The following INPP5D variants were observed in gnomAD, a reference collection of about 807,000 sequenced individuals.
INPP5D encodes the protein phosphatidylinositol 3,4,5-trisphosphate 5-phosphatase 1.
Under a neutral mutation model 122.9 loss-of-function variants are expected in INPP5D, and 33 were observed. The observed-to-expected ratio is 0.27, with a 90% CI of 0.20 to 0.36. INPP5D has a LOEUF of 0.36. Among genes scored for constraint, INPP5D ranks in the 10% least tolerant of loss-of-function variants. The probability of loss-of-function intolerance (pLI) is 1.00; values close to 1 mark genes in which losing one functional copy is unlikely to be tolerated. For missense variants in INPP5D, 1,053 were observed against 1,412.7 expected (o/e 0.75, Z 4.08); for synonymous variants, 584 against 576.2 (o/e 1.01, Z -0.19).
At chr2:233,127,911 C>T (rs1460943724) in intron 4 of INPP5D, among the ~76,000 whole-genome samples, 1 of 152,140 alleles carries the variant, frequency 6.6e-6, no homozygotes, top group Non-Finnish European at 1.5e-5. Flanking sequence ...CCCAGCCTAC[C>T]ACAAACATTT....
chr2:233,085,458 T>C (rs1209783977), intron 2 of INPP5D, among the ~76,000 whole-genome samples: 2 of 152,230 alleles, frequency 1.3e-5, no homozygotes, highest in Non-Finnish European at 2.9e-5. Flanking sequence ...TTGTGCTGGT[T>C]CCTATAGAGG....
chr2:233,099,077 A>G (rs1347443866), intron 2 of INPP5D, among the ~76,000 whole-genome samples: 1 of 151,708 alleles, frequency 6.6e-6, no homozygotes, highest in Non-Finnish European at 1.5e-5. Context: ...CAGCCTCCGG[A>G]GTAGTTGGGA....
chr2:233,152,058 A>C (rs1161164748), intron 9 of INPP5D, among the ~76,000 whole-genome samples: 1 of 152,204 alleles, frequency 6.6e-6, no homozygotes, highest in East Asian at 1.9e-4. Context: ...AACCGGATGC[A>C]TGTGTTGGTT....
intron 1 of INPP5D, among the ~76,000 whole-genome samples, chr2:233,073,803 A>G (rs1234184608): frequency 4.6e-5 from 7 of 151,374 alleles, no homozygotes; most frequent in Non-Finnish European, 8.8e-5. Context: ...TTCCTCGTTC[A>G]CTTTCTCCAA....
intron 2 of INPP5D, among the ~76,000 whole-genome samples, chr2:233,094,794 G>A (rs1023259382): frequency 1.6e-4 from 25 of 152,216 alleles, no homozygotes; most frequent in Admixed American, 1.4e-3. Flanking sequence ...GTGGGTTGGG[G>A]GAATGGCAGT....
rs1318824844 is a variant in INPP5D at position 233,183,430 on chromosome 2, C to T, written c.2161+931C>T. On this transcript the variant is annotated intron_variant, in intron 19 of 26. Transcript: ENST00000445964. The surrounding 1 kb of genome is among the most constrained non-coding windows in gnomAD (Gnocchi z 4.6). ...ATGGCCCCAGAAATGTGACCTCCCT[C>T]CTCCACCCAAGCCTTGACCCACCAT... Among the ~76,000 whole-genome samples, 1 of 152,186 alleles carries T rather than the reference C, an allele frequency of 6.6e-6. No individual in the cohort carries two copies. Among genetic ancestry groups the T allele is most frequent in the African/African-American group, 2.4e-5 (1 of 41,442 alleles).
chr2:233,161,760 A>G lies in INPP5D; in HGVS notation c.1174A>G (p.Lys392Glu). ...CTTCTGCCAGCTCCTGCAGCAGATGAAGAACAAGCACTCAGAGCAGCCGGA... is the reference window on the plus strand; with the variant it reads ...CTTCTGCCAGCTCCTGCAGCAGATGGAGAACAAGCACTCAGAGCAGCCGGA... ...EGFCQLLQQM[K>E]NKHSEQPEPD... The change falls in exon 11 of 27, where the codon AAG becomes GAG. Residue 392 changes from lysine (K) to glutamate (E), a missense_variant. Around this residue, in one of 6 missense-constraint regions of INPP5D, gnomAD observed 105 missense variants for 199.8 expected, o/e 0.53. Coordinates refer to ENST00000445964, the MANE Select transcript of INPP5D (RefSeq NM_001017915.3). The G allele has an allele frequency of 6.2e-7, 1 of 1,613,760 alleles. No individual in the cohort carries two copies. Among genetic ancestry groups the G allele is most frequent in the Non-Finnish European group, 8.5e-7 (1 of 1,179,798 alleles).
intron 3 of INPP5D, among the ~76,000 whole-genome samples, chr2:233,124,947 AG>A (rs1693111275): frequency 6.6e-6 from 1 of 152,238 alleles, no homozygotes; most frequent in South Asian, 2.1e-4. Context: ...GCAGACTCCT[AG>A]TTGTCTTCAG....
Position 233,122,214 on chromosome 2 carries a change from G to T in INPP5D, c.306G>T (p.Pro102=), listed in dbSNP as rs541057965. 2 of 1,613,932 alleles carry T rather than the reference G, an allele frequency of 1.2e-6. No individual in the cohort carries two copies. Among genetic ancestry groups the T allele is most frequent in the Non-Finnish European group, 1.7e-6 (2 of 1,179,872 alleles). ...GLVTHLQYPV[P]LEEEDTGDDP... ...TGACCCATCTGCAATACCCTGTGCC[G>T]CTGGAGGAAGAGGACACAGGCGACG... Residue 102 remains proline (P), a synonymous_variant, in exon 3 of 27, where the codon CCG becomes CCT. Transcript: ENST00000445964.
chr2:233,064,553 G>A (rs1302945963), intron 1 of INPP5D, among the ~76,000 whole-genome samples: 3 of 152,240 alleles, frequency 2.0e-5, no homozygotes, highest in Admixed American at 6.5e-5. Context: ...TGATGTCCAC[G>A]AAGACCTTCA....
chr2:233,117,100 CATGT>C, intron 2 of INPP5D, among the ~76,000 whole-genome samples: 1 of 152,312 alleles, frequency 6.6e-6, no homozygotes, highest in Middle Eastern at 3.4e-3. Flanking sequence ...TTGCGGGGAT[CATGT>C]CCCGGCTGAC....
chr2:233,200,077 G>C (rs1253233346), intron 25 of INPP5D, among the ~76,000 whole-genome samples: 1 of 152,238 alleles, frequency 6.6e-6, no homozygotes, highest in Admixed American at 6.5e-5. Flanking sequence ...TGCAGAGAGA[G>C]GAGGCCCGGC....
intron 9 of INPP5D, among the ~76,000 whole-genome samples, chr2:233,157,333 C>T (rs1694080745): frequency 6.6e-6 from 1 of 152,006 alleles, no homozygotes; most frequent in Non-Finnish European, 1.5e-5. Context: ...AGAGAAGACC[C>T]AGAAGCTCTG....
At chr2:233,084,433 C>T (rs534682798) in intron 2 of INPP5D, among the ~76,000 whole-genome samples, 10 of 152,266 alleles carry the variant, frequency 6.6e-5, no homozygotes, top group African/African-American at 9.6e-5. Context: ...TATTCTTTCC[C>T]GATTTGGAAG....
chr2:233,181,605 C>G (rs530434982), intron 18 of INPP5D, among the ~76,000 whole-genome samples: 1 of 152,282 alleles, frequency 6.6e-6, no homozygotes, highest in Non-Finnish European at 1.5e-5. Flanking sequence ...TTTCTCTTGC[C>G]CCTTCCCAAA....
At chr2:233,104,674 A>G (rs976249578) in intron 2 of INPP5D, among the ~76,000 whole-genome samples, 6 of 152,120 alleles carry the variant, frequency 3.9e-5, no homozygotes, top group Non-Finnish European at 7.4e-5. Context: ...GGGGGGTCCA[A>G]ATTCTTTCCC....
chr2:233,121,989 T>A, intron 2 of INPP5D, 118 bp from the exon 3 acceptor site: 1 of 1,203,054 alleles, frequency 8.3e-7, no homozygotes, highest in Admixed American at 1.9e-5. Context: ...AGCCCAAGGC[T>A]TTTCCTGGAT....
chr2:233,149,345 C>A lies in INPP5D; in HGVS notation c.1030+1751C>A, dbSNP rs545044634. 1.3e-3 allele frequency among the ~76,000 whole-genome samples: 191 copies of A among 152,236 alleles called. 1 individual carries two copies. The highest frequency in any genetic ancestry group is 2.0e-3 in the Non-Finnish European group (138 of 68,020). ...CGAACTCCTGACCACAAGTGATCCA[C>A]CCGCCTTGGCTTCCTAAAGTGCTGG... On this transcript the variant is annotated intron_variant, in intron 9 of 26. Transcript: ENST00000445964.
intron 17 of INPP5D, among the ~76,000 whole-genome samples, chr2:233,171,873 A>C (rs1013996718): frequency 6.6e-6 from 1 of 152,372 alleles, no homozygotes; most frequent in African/African-American, 2.4e-5. Flanking sequence ...TTCAAGGGTC[A>C]AATGGCTGGG....
Sources: gnomAD v4.1 joint callset for allele counts (sites outside exome capture counted in the v4.1 genomes callset) on GRCh38, gnomAD v4.1.1 for gene constraint, gnomAD v4.1.1 regional missense constraint, Gnocchi (gnomAD v3.1) non-coding constraint, MANE v1.5 for transcripts, NCBI Gene and HGNC (gene_info 2026-07-23, HGNC 2026-07-21) for gene names.